Variants in SPINT1 observed in about 807,000 individuals in gnomAD.
The protein encoded by SPINT1 is kunitz-type protease inhibitor 1.
Under a neutral mutation model 53.7 loss-of-function variants are expected in SPINT1, and 38 were observed. The observed-to-expected ratio is 0.71, with a 90% confidence interval of 0.55 to 0.93. The LOEUF is 0.93. Among genes scored for constraint, SPINT1 ranks in the 40% least tolerant of loss-of-function variants. The pLI is 0.00. For missense variants in SPINT1, 645 were observed against 692.9 expected, an observed-to-expected ratio of 0.93 and a Z score of 0.78; for synonymous variants, 283 against 280.6, an observed-to-expected ratio of 1.01 and a Z score of -0.08.
At chr15:40,845,718 G>A (rs1297793375) in intron 2 of SPINT1, among the ~76,000 whole-genome samples, 3 of 152,190 alleles carry the variant, frequency 2.0e-5, no homozygotes, top group Non-Finnish European at 4.4e-5. Context: ...CAGGACTCCT[G>A]ACCTCTGGCA....
In SPINT1 at chr15:40,844,417, C is replaced by T. The variant is rs903903837; in HGVS notation, c.-65-73C>T. 11 of 930,744 alleles carry T rather than the reference C, an allele frequency of 1.2e-5. No individual in the cohort carries two copies. The highest frequency in any genetic ancestry group is 1.7e-5 in the Non-Finnish European group (10 of 585,006). 57.7% of individuals were successfully genotyped at this position (930,744 alleles called of 1,614,324 possible). The stretch of plus-strand genomic sequence containing the variant: ...CCTCCTCCCCGCCACTTCCTCCCGG[C>T]CGGCCCGCCTCCTCCAAAGTCTCCC... On this transcript the variant is annotated intron_variant, in intron 1 of 10. Coordinates refer to ENST00000562057, the MANE Select transcript of SPINT1 (RefSeq NM_003710.4). This position sits in a 1 kb window ranked among gnomAD's most constrained non-coding sequence, Gnocchi z 5.8.
In SPINT1 at chr15:40,852,898, G is replaced by A. The variant is rs568158679; in HGVS notation, c.476-226G>A. Among the ~76,000 whole-genome samples, 166 of 151,322 alleles carry A rather than the reference G, an allele frequency of 1.1e-3. 1 individual carries two copies. Among genetic ancestry groups the A allele is most frequent in the African/African-American group, 3.9e-3 (162 of 41,302 alleles). ...ATAAAAAAAAAAAAAAGGAAAGAAA[G>A]TGGGTTACAACATAAAAATATCTTC... On this transcript the variant is annotated intron_variant, in intron 2 of 10. Transcript: ENST00000562057.
Position 40,844,773 on chromosome 15 carries a change from T to C in SPINT1, c.219T>C (p.Ala73=), listed in dbSNP as rs758002274. ...CCAACGCCTCGGTCAGCAACGGAGC[T>C]ACCTTCCTGGAGTCCCCCACCGTGC... The part of the protein sequence containing the change: ...LDTNASVSNG[A]TFLESPTVRR... Residue 73 remains alanine, a synonymous_variant, in exon 2 of 11, where the codon GCT becomes GCC. Transcript: ENST00000562057. The surrounding 1 kb of genome is among the most constrained non-coding windows in gnomAD (Gnocchi z 5.8). The C allele has an allele frequency of 8.1e-6, 13 of 1,612,518 alleles. No individual in the cohort carries two copies. Among genetic ancestry groups the C allele is most frequent in the Non-Finnish European group, 1.1e-5 (13 of 1,179,240 alleles).
chr15:40,852,888 A>G (rs1397166927), intron 2 of SPINT1, among the ~76,000 whole-genome samples: 1 of 151,324 alleles, frequency 6.6e-6, no homozygotes, highest in Non-Finnish European at 1.5e-5. Flanking sequence ...AAAAAAAAAA[A>G]GGAAAGAAAG....
chr15:40,856,963 G>A lies in SPINT1; in HGVS notation c.1530G>A (p.Thr510=), dbSNP rs690458. The A allele has an allele frequency of 3.1e-6, 5 of 1,613,938 alleles. No individual in the cohort carries two copies. The highest frequency in any genetic ancestry group is 4.2e-6 in the Non-Finnish European group (5 of 1,179,990). The change falls in exon 11 of 11, where the codon ACG becomes ACA. Residue 510 remains threonine, a synonymous_variant. Transcript: ENST00000562057. ...AGCACCTGGTCTATAACCACACCAC[G>A]CGGCCCCTCTGAGCCTGGGTCTCAC... ...DTEHLVYNHT[T]RPL
intron 8 of SPINT1, among the ~76,000 whole-genome samples, chr15:40,855,232 T>G (rs1891597439): frequency 6.6e-6 from 1 of 151,994 alleles, no homozygotes; most frequent in Non-Finnish European, 1.5e-5. Context: ...AATACAAAAA[T>G]TAGCCGGATG....
At chr15:40,855,787 G>A in intron 8 of SPINT1, 105 bp from the exon 9 acceptor site, 1 of 1,304,812 alleles carries the variant, frequency 7.7e-7, no homozygotes, top group Non-Finnish European at 1.1e-6. Context: ...CCCTCCCTGA[G>A]CCATGGCAGG....
Position 40,856,826 on chromosome 15 carries a change from G to A in SPINT1, c.1393G>A (p.Ala465Thr), listed in dbSNP as rs771699340. The A allele has an allele frequency of 1.2e-6, 2 of 1,614,176 alleles. No homozygotes were observed. Among genetic ancestry groups the A allele is most frequent in the South Asian group, 2.2e-5 (2 of 91,086 alleles). The change falls in exon 11 of 11, where the codon GCC (alanine) becomes ACC (threonine). Residue 465 changes from alanine to threonine, a missense_variant. Coordinates refer to ENST00000562057, the MANE Select transcript of SPINT1 (RefSeq NM_003710.4). ...FLVICIVVVVAILGYCFFKNQ... is the reference protein window; with the variant it reads ...FLVICIVVVVTILGYCFFKNQ... ...GGTCATCTGCATTGTGGTGGTGGTA[G>A]CCATCTTGGGTTACTGCTTCTTCAA...
chr15:40,856,505 G>A (rs111821673), intron 10 of SPINT1, among the ~76,000 whole-genome samples, 182 bp downstream of exon 10: 118 of 152,198 alleles, frequency 7.8e-4, no homozygotes, highest in African/African-American at 2.5e-3. Flanking sequence ...AGTAAAGTGC[G>A]TGCCGATGTC....
Position 40,856,935 on chromosome 15 carries a change from C to T in SPINT1, c.1502C>T (p.Thr501Met), listed in dbSNP as rs761668755. The change falls in exon 11 of 11, where the codon ACG (threonine) becomes ATG (methionine). Residue 501 changes from threonine to methionine, a missense_variant. Coordinates refer to ENST00000562057, the MANE Select transcript of SPINT1 (RefSeq NM_003710.4). ...ASSTVSTTED[T>M]EHLVYNHTTR... ...TCCACTGTCTCCACTACCGAGGACA[C>T]GGAGCACCTGGTCTATAACCACACC... is the stretch of plus-strand genomic sequence containing the variant. 7.8e-5 allele frequency: 126 copies of T among 1,613,938 alleles called. No homozygotes were observed. Among genetic ancestry groups the T allele is most frequent in the Middle Eastern group, 1.6e-4 (1 of 6,082 alleles).
chr15:40,855,328 T>A (rs1353146312), intron 8 of SPINT1, among the ~76,000 whole-genome samples: 1 of 152,162 alleles, frequency 6.6e-6, no homozygotes, highest in Non-Finnish European at 1.5e-5. Flanking sequence ...CTGCAGTCAG[T>A]TGAGATGGAA....
chr15:40,855,674 GAGTCGGCGT>G, intron 8 of SPINT1: 1 of 469,492 alleles, frequency 2.1e-6, no homozygotes, highest in Non-Finnish European at 3.7e-6. Flanking sequence ...AAATAACTAT[GAGTCGGCGT>G]AGTTTACTTT....
Position 40,856,291 on chromosome 15 carries a change from G to A in SPINT1, c.1304G>A (p.Gly435Asp). 2 of 1,614,170 alleles carry A rather than the reference G, an allele frequency of 1.2e-6. No homozygotes were observed. The highest frequency in any genetic ancestry group is 1.1e-5 in the South Asian group (1 of 91,082). ...CATTCTGCAGAGAAGGATGTGTTTG[G>A]CCTGAGGCGGGAAATCCCCATTCCC... is the stretch of plus-strand genomic sequence containing the variant. ...CRGISKKDVF[G>D]LRREIPIPST... The change falls in exon 10 of 11, where the codon GGC becomes GAC. Residue 435 changes from glycine to aspartate, a missense_variant. Coordinates refer to ENST00000562057, the MANE Select transcript of SPINT1 (RefSeq NM_003710.4).
At position 40,857,256 on chromosome 15, in the gene SPINT1, T is replaced by C. The variant is rs894264854; in HGVS notation, c.*281T>C. 1.2e-5 allele frequency: 6 copies of C among 498,188 alleles called. No homozygotes were observed. The highest frequency in any genetic ancestry group is 1.0e-3 in the Middle Eastern group (2 of 1,932). The allele number at this position is 498,188 out of a possible 1,614,324, so 30.9% of individuals were successfully genotyped here. On this transcript the variant is annotated 3_prime_UTR_variant, in exon 11 of 11. Coordinates refer to ENST00000562057, the MANE Select transcript of SPINT1 (RefSeq NM_003710.4). Reference sequence around the variant, plus strand: ...GGAAGTTGGAGTTTTGTTTCCTCTGTTCAAAGCTGCCTGTCCCTACCCCAT... The same window carrying C: ...GGAAGTTGGAGTTTTGTTTCCTCTGCTCAAAGCTGCCTGTCCCTACCCCAT...
intron 10 of SPINT1, 120 bp from the exon 11 acceptor site, chr15:40,856,650 G>T: frequency 6.5e-7 from 1 of 1,528,704 alleles, no homozygotes. Flanking sequence ...GGTCTGAGTC[G>T]GGTGCCCATG....
At chr15:40,848,198 T>TC in intron 2 of SPINT1, among the ~76,000 whole-genome samples, 1 of 152,236 alleles carries the variant, frequency 6.6e-6, no homozygotes, top group South Asian at 2.1e-4. Context: ...CTTCTGTGAG[T>TC]CCCCCATTGG....
chr15:40,845,459 C>T (rs1891265128), intron 2 of SPINT1, among the ~76,000 whole-genome samples: 1 of 151,496 alleles, frequency 6.6e-6, no homozygotes, highest in African/African-American at 2.4e-5. Flanking sequence ...TACCTGAAGC[C>T]CTCCTTAGAA....
chr15:40,852,041 CA>C (rs1373194780), intron 2 of SPINT1, among the ~76,000 whole-genome samples: 1 of 152,034 alleles, frequency 6.6e-6, no homozygotes, highest in African/African-American at 2.4e-5. Context: ...CAAAACAAAA[CA>C]AAAAAATTAT....
chr15:40,853,296 C>T, intron 3 of SPINT1, 45 bp downstream of exon 3: 2 of 1,612,450 alleles, frequency 1.2e-6, no homozygotes, highest in Non-Finnish European at 1.7e-6. Context: ...GCCTGCCAGC[C>T]TTCTTGGAGC....
Sources: allele counts gnomAD v4.1 joint callset (sites outside exome capture counted in the v4.1 genomes callset), GRCh38; gene constraint gnomAD v4.1.1; non-coding constraint Gnocchi (gnomAD v3.1); transcripts MANE v1.5; gene names NCBI Gene and HGNC (gene_info 2026-07-23, HGNC 2026-07-21).